HOOK1: variants seen among roughly 807,000 people sequenced by gnomAD.
The protein encoded by HOOK1 is hook microtubule tethering protein 1.
Under a neutral mutation model 112.8 loss-of-function variants are expected in HOOK1, and 60 were observed. The observed-to-expected ratio is 0.53, with a 90% CI of 0.43 to 0.66. The LOEUF (loss-of-function observed/expected upper bound fraction) is 0.66, where lower values mean the gene tolerates loss of function less well. Ranked by LOEUF, HOOK1 falls within the 30% of genes least tolerant of loss-of-function variation. The pLI is 0.00. For missense variants in HOOK1, 770 were observed against 856.0 expected (o/e 0.90, Z 1.25); for synonymous variants, 294 against 283.8 (o/e 1.04, Z -0.36).
intron 16 of HOOK1, 134 bp from the exon 17 acceptor site, chr1:59,864,498 G>A (rs1321715840): frequency 1.7e-6 from 1 of 593,730 alleles, no homozygotes; most frequent in Non-Finnish European, 3.0e-6. Context: ...GTGTGTTATT[G>A]GAAATACAAA....
At chr1:59,846,387 A>G (rs149962029) in intron 9 of HOOK1, among the ~76,000 whole-genome samples, 7 of 151,510 alleles carry the variant, frequency 4.6e-5, no homozygotes, top group South Asian at 2.1e-4. Flanking sequence ...TTGGCCTTCT[A>G]TATTATTAGT....
chr1:59,864,676 A>T lies in HOOK1; in HGVS notation c.1661+10A>T. Reference sequence around the variant, plus strand: ...AGTTGGAAGCTCATATGTAAGTAAAACTGATATTTCTTTTCAAATATGAGA... The same window carrying T: ...AGTTGGAAGCTCATATGTAAGTAAATCTGATATTTCTTTTCAAATATGAGA... On this transcript the variant is annotated intron_variant, in intron 17 of 21. Coordinates refer to ENST00000371208, the MANE Select transcript of HOOK1 (RefSeq NM_015888.6). 2 of 1,491,840 alleles carry T rather than the reference A, an allele frequency of 1.3e-6. No individual in the cohort carries two copies. The highest frequency in any genetic ancestry group is 1.9e-6 in the Non-Finnish European group (2 of 1,078,116). 92.4% of individuals were successfully genotyped at this position (1,491,840 alleles called of 1,614,324 possible). A position where few individuals can be genotyped will look rare whatever the true frequency, so the allele number is the denominator to read the frequency against.
intron 3 of HOOK1, among the ~76,000 whole-genome samples, chr1:59,830,589 G>A (rs2098393178): frequency 2.6e-5 from 4 of 151,974 alleles, no homozygotes; most frequent in Admixed American, 2.6e-4. Context: ...TATTGAAAGT[G>A]TTTCATGTAG....
intron 4 of HOOK1, 50 bp downstream of exon 4, chr1:59,832,263 T>C: frequency 1.8e-6 from 2 of 1,102,092 alleles, no homozygotes; most frequent in Middle Eastern, 2.0e-4. Context: ...ATACGAAAAT[T>C]ACTTTAAGAC....
intron 15 of HOOK1, among the ~76,000 whole-genome samples, chr1:59,860,812 C>T (rs551258218): frequency 9.4e-5 from 14 of 148,246 alleles, no homozygotes; most frequent in Non-Finnish European, 1.3e-4. Context: ...CTTGCTCTGT[C>T]ACCCAGGCTA....
At chr1:59,823,154 A>G (rs1188373801) in intron 2 of HOOK1, among the ~76,000 whole-genome samples, 1 of 152,142 alleles carries the variant, frequency 6.6e-6, no homozygotes, top group East Asian at 1.9e-4. Flanking sequence ...CCCCATCTCT[A>G]CTAAAAATAC....
At chr1:59,843,177 C>T (rs181330480) in intron 8 of HOOK1, among the ~76,000 whole-genome samples, 70 of 151,566 alleles carry the variant, frequency 4.6e-4, no homozygotes, top group Non-Finnish European at 8.3e-4. Flanking sequence ...CAAACAAAGG[C>T]AGGCATAGCA....
At chr1:59,829,007 A>G (rs1038443912) in intron 3 of HOOK1, among the ~76,000 whole-genome samples, 155 bp downstream of exon 3, 2 of 152,172 alleles carry the variant, frequency 1.3e-5, no homozygotes, top group African/African-American at 4.8e-5. Flanking sequence ...AACTACCATC[A>G]TAATTAAATA....
At chr1:59,830,439 T>C (rs992397202) in intron 3 of HOOK1, among the ~76,000 whole-genome samples, 3 of 152,170 alleles carry the variant, frequency 2.0e-5, no homozygotes, top group Admixed American at 6.5e-5. Context: ...TATTATGAAA[T>C]GCTTTTCTTT....
intron 9 of HOOK1, among the ~76,000 whole-genome samples, chr1:59,846,156 C>A (rs2098403660): frequency 6.6e-6 from 1 of 151,594 alleles, no homozygotes; most frequent in African/African-American, 2.4e-5. Flanking sequence ...TCATAATATT[C>A]TCTTCTTATC....
At chr1:59,858,613 C>T in intron 13 of HOOK1, 98 bp downstream of exon 13, 2 of 787,284 alleles carry the variant, frequency 2.5e-6, no homozygotes, top group Non-Finnish European at 4.4e-6. Context: ...GTGGCGCATG[C>T]CTATAGTCCT....
At chr1:59,846,567 CT>C (rs1276507967) in intron 9 of HOOK1, among the ~76,000 whole-genome samples, 897 of 75,472 alleles carry the variant, frequency 0.012, 63 homozygotes, top group African/African-American at 0.018. Flanking sequence ...TCCTTCCTTC[CT>C]TCCTTCCTTC....
intron 1 of HOOK1, 109 bp from the exon 2 acceptor site, chr1:59,821,749 G>GTTTT: frequency 1.7e-6 from 1 of 590,602 alleles, no homozygotes; most frequent in Non-Finnish European, 2.7e-6. Flanking sequence ...ACAGGACCAT[G>GTTTT]TTTTTTTTTT....
At chr1:59,855,137 A>T (rs2098409801) in intron 12 of HOOK1, among the ~76,000 whole-genome samples, 1 of 152,242 alleles carries the variant, frequency 6.6e-6, no homozygotes, top group African/African-American at 2.4e-5. Context: ...AAAACAAAAA[A>T]ACAACACTTT....
chr1:59,867,292 G>A (rs892426743), intron 19 of HOOK1, among the ~76,000 whole-genome samples: 1 of 152,128 alleles, frequency 6.6e-6, no homozygotes, highest in Non-Finnish European at 1.5e-5. Context: ...ATTATTCAAT[G>A]TATTCTGCTT....
Position 59,860,240 on chromosome 1 carries a change from G to T in HOOK1, c.1444G>T (p.Glu482Ter). ...HENKMLRLQQ[E>*]GSENERIEEL... ...AAATAAGATGCTTCGCTTACAGCAA[G>T]AAGGCTCTGAGAATGAACGTATTGA... Residue 482 changes from glutamate to a stop codon, truncating the protein, a stop_gained, in exon 15 of 22, where the codon GAA becomes TAA. Coordinates refer to ENST00000371208, the MANE Select transcript of HOOK1 (RefSeq NM_015888.6). LOFTEE classifies it high-confidence loss of function. 6.2e-7 allele frequency: 1 copy of T among 1,610,478 alleles called. No homozygotes were observed. The highest frequency in any genetic ancestry group is 2.2e-5 in the East Asian group (1 of 44,702).
At chr1:59,871,917 G>A (rs1644060856) in intron 21 of HOOK1, among the ~76,000 whole-genome samples, 1 of 152,160 alleles carries the variant, frequency 6.6e-6, no homozygotes, top group African/African-American at 2.4e-5. Context: ...ATTGCTTAAA[G>A]GGCCCTGAAG....
chr1:59,855,022 G>A (rs2098409753), intron 12 of HOOK1, among the ~76,000 whole-genome samples: 1 of 152,208 alleles, frequency 6.6e-6, no homozygotes, highest in Non-Finnish European at 1.5e-5. Context: ...AACAGAAACA[G>A]CCAGTGAGGT....
intron 2 of HOOK1, among the ~76,000 whole-genome samples, chr1:59,823,603 G>T (rs2098387554): frequency 1.3e-5 from 2 of 152,122 alleles, no homozygotes; most frequent in Non-Finnish European, 2.9e-5. Flanking sequence ...CTTTCTATAT[G>T]TTTTGGTGGG....
Sources: gnomAD v4.1 joint callset for allele counts (sites outside exome capture counted in the v4.1 genomes callset) on GRCh38, gnomAD v4.1.1 for gene constraint, MANE v1.5 for transcripts, NCBI Gene and HGNC (gene_info 2026-07-23, HGNC 2026-07-21) for gene names.